ASIC2: variants seen among roughly 807,000 people sequenced by gnomAD.
ASIC2 encodes acid-sensing ion channel 2.
A neutral mutation model predicts 57.3 loss-of-function variants in ASIC2; 25 were observed. The observed-to-expected ratio is 0.44, with a 90% confidence interval of 0.32 to 0.61. The LOEUF is 0.61. ASIC2 is among the 20% of genes least tolerant of loss of function. The probability of loss-of-function intolerance (pLI) is 0.06; values close to 1 mark genes in which losing one functional copy is unlikely to be tolerated. For synonymous variants in ASIC2, 319 were observed against 307.5 expected (o/e 1.04, Z -0.39); for missense variants, 641 against 738.1 (o/e 0.87, Z 1.52).
At chr17:33,421,514 T>C (rs1343150966) in intron 1 of ASIC2, among the ~76,000 whole-genome samples, 1 of 152,138 alleles carries the variant, frequency 6.6e-6, no homozygotes, top group Non-Finnish European at 1.5e-5. Context: ...GTGAATCTGG[T>C]TTTTCAGTGA....
intron 1 of ASIC2, among the ~76,000 whole-genome samples, chr17:33,171,143 G>A (rs1393623782): frequency 4.6e-5 from 7 of 152,150 alleles, no homozygotes; most frequent in East Asian, 1.9e-4. Context: ...AGATGGTACC[G>A]GGAATTAGAA....
intron 1 of ASIC2, among the ~76,000 whole-genome samples, chr17:33,480,888 GC>G (rs1322485851): frequency 6.6e-6 from 1 of 152,138 alleles, no homozygotes; most frequent in African/African-American, 2.4e-5. Flanking sequence ...CTCTTCCACT[GC>G]AACCATACTT....
intron 1 of ASIC2, among the ~76,000 whole-genome samples, chr17:33,343,396 C>G (rs1209323797): frequency 6.6e-6 from 1 of 152,192 alleles, no homozygotes; most frequent in Non-Finnish European, 1.5e-5. Flanking sequence ...GCCTAACTTC[C>G]TTGGACACTT....
intron 1 of ASIC2, chr17:33,623,579 T>G (rs1170373333): frequency 6.6e-6 from 1 of 152,110 alleles, no homozygotes; most frequent in Non-Finnish European, 1.5e-5. Context: ...TTGTGATATC[T>G]TATGGTGGTA....
At chr17:33,994,556 T>C (rs1051810137) in intron 1 of ASIC2, among the ~76,000 whole-genome samples, 1 of 152,230 alleles carries the variant, frequency 6.6e-6, no homozygotes, top group African/African-American at 2.4e-5. Context: ...TATTTCTCCT[T>C]AAATGAGAAT....
At chr17:33,973,089 A>G (rs967750853) in intron 1 of ASIC2, among the ~76,000 whole-genome samples, 28 of 152,256 alleles carry the variant, frequency 1.8e-4, no homozygotes, top group Admixed American at 1.4e-3. Flanking sequence ...GAATCTCTGC[A>G]TCATCTCTTG....
chr17:33,431,538 G>A (rs1023662701), intron 1 of ASIC2, among the ~76,000 whole-genome samples: 1 of 152,180 alleles, frequency 6.6e-6, no homozygotes, highest in African/African-American at 2.4e-5. Flanking sequence ...CTGGGAGGCG[G>A]AGGTCGCCGT....
At chr17:33,107,633 G>A (rs759427094) in intron 2 of ASIC2, among the ~76,000 whole-genome samples, 12 of 152,176 alleles carry the variant, frequency 7.9e-5, no homozygotes, top group Non-Finnish European at 1.5e-4. Context: ...TGGAGGAAGG[G>A]ACATTTTTGA....
At chr17:33,347,992 C>A (rs896398488) in intron 1 of ASIC2, among the ~76,000 whole-genome samples, 1 of 152,060 alleles carries the variant, frequency 6.6e-6, no homozygotes, top group Admixed American at 6.6e-5. Flanking sequence ...GTCCCAGCTA[C>A]TTGGGAGGCT....
intron 1 of ASIC2, among the ~76,000 whole-genome samples, chr17:34,134,725 AT>A (rs1912082304): frequency 6.6e-6 from 1 of 152,204 alleles, no homozygotes; most frequent in Non-Finnish European, 1.5e-5. Context: ...CAATCCCAAG[AT>A]TAATCAGGTC....
intron 1 of ASIC2, among the ~76,000 whole-genome samples, chr17:33,167,099 A>G (rs319773): frequency 0.73 from 111,128 of 152,020 alleles, 40,792 homozygotes; most frequent in African/African-American, 0.76. Context: ...CTGACTGATC[A>G]TATGTTCCAA....
At chr17:33,617,955 G>A (rs977296) in intron 1 of ASIC2, among the ~76,000 whole-genome samples, 80,049 of 152,026 alleles carry the variant, frequency 0.53, 21,798 homozygotes, top group African/African-American at 0.66. Context: ...ACATTTTTAC[G>A]TGAAAAGGGA....
intron 1 of ASIC2, among the ~76,000 whole-genome samples, chr17:33,344,528 C>T (rs1363002557): frequency 6.6e-6 from 1 of 152,180 alleles, no homozygotes; most frequent in Admixed American, 6.5e-5. Flanking sequence ...CCACTTACCA[C>T]TGCATAGCCC....
chr17:33,989,699 CACT>C (rs1905943062), intron 1 of ASIC2, among the ~76,000 whole-genome samples: 1 of 152,122 alleles, frequency 6.6e-6, no homozygotes, highest in Admixed American at 6.5e-5. Context: ...ACTCAAATGA[CACT>C]GTTGTTTTTT....
intron 1 of ASIC2, among the ~76,000 whole-genome samples, chr17:33,553,882 T>C (rs1915825505): frequency 6.6e-6 from 1 of 152,218 alleles, no homozygotes; most frequent in Non-Finnish European, 1.5e-5. Context: ...AAGCACTTTG[T>C]AAAGCAGAAG....
At chr17:33,917,299 C>A (rs1340201542) in intron 1 of ASIC2, among the ~76,000 whole-genome samples, 1 of 152,136 alleles carries the variant, frequency 6.6e-6, no homozygotes, top group African/African-American at 2.4e-5. Flanking sequence ...GCCTCACGTG[C>A]CTTAAATCTC....
At chr17:33,590,230 C>G (rs1904781129) in intron 1 of ASIC2, among the ~76,000 whole-genome samples, 1 of 152,188 alleles carries the variant, frequency 6.6e-6, no homozygotes, top group Non-Finnish European at 1.5e-5. Context: ...ATTCCCCTGC[C>G]TACCTCACTG....
intron 1 of ASIC2, among the ~76,000 whole-genome samples, chr17:33,455,383 T>G (rs1202116129): frequency 6.6e-6 from 1 of 152,196 alleles, no homozygotes; most frequent in Non-Finnish European, 1.5e-5. Flanking sequence ...ATTGTTCCAG[T>G]CTTTACATCC....
chr17:33,067,099 C>T (rs147638623), intron 3 of ASIC2, among the ~76,000 whole-genome samples: 4 of 152,138 alleles, frequency 2.6e-5, no homozygotes, highest in African/African-American at 7.2e-5. Flanking sequence ...CATGGCTCTC[C>T]GGGGCACTGA....
Sources: allele counts gnomAD v4.1 joint callset (sites outside exome capture counted in the v4.1 genomes callset), GRCh38; gene constraint gnomAD v4.1.1; transcripts MANE v1.5; gene names NCBI Gene and HGNC (gene_info 2026-07-23, HGNC 2026-07-21).